Variants in ARL10 observed in about 807,000 individuals in gnomAD.
The protein encoded by ARL10 is ADP-ribosylation factor-like protein 10.
A neutral mutation model predicts 26.1 loss-of-function variants in ARL10; 23 were observed. The observed-to-expected ratio is 0.88, with a 90% CI of 0.63 to 1.25. The LOEUF is 1.25. ARL10 is among the 50% of genes most tolerant of loss of function. ARL10 has a pLI of 0.00. For synonymous variants in ARL10, 138 were observed against 149.1 expected (o/e 0.93, Z 0.54); for missense variants, 300 against 323.6 (o/e 0.93, Z 0.56).
intron 1 of ARL10, among the ~76,000 whole-genome samples, chr5:176,396,709 T>C (rs1298144821): frequency 5.3e-5 from 8 of 151,988 alleles, no homozygotes; most frequent in Non-Finnish European, 1.2e-4. Flanking sequence ...AACAGGAGAA[T>C]GGGGACCTTC....
At position 176,374,610 on chromosome 5, in the gene ARL10, C is replaced by T. The variant is rs368551694; in HGVS notation, c.*2715C>T. ...TCAGACGATAAAAATAGTTCAACAG[C>T]GTGCAAGCTCTGCTGCTCATAGCCT... On this transcript the variant is annotated 3_prime_UTR_variant, in exon 4 of 4. Coordinates refer to ENST00000310389, the MANE Select transcript of ARL10 (RefSeq NM_173664.6). The T allele has an allele frequency of 3.3e-5, 5 of 152,178 alleles. No individual in the cohort carries two copies. The highest frequency in any genetic ancestry group is 1.2e-4 in the African/African-American group (5 of 41,438). 9.4% of individuals were successfully genotyped at this position (152,178 alleles called of 1,614,324 possible). A position where few individuals can be genotyped will look rare whatever the true frequency, so the allele number is the denominator to read the frequency against.
At position 176,371,878 on chromosome 5, in the gene ARL10, T is replaced by TTGGAGCTCCTCTCCTAGGC. The variant is rs1284071971; in HGVS notation, c.727_*10dup. ...CACCGTGCACATCTGGAAACTGCTC[T>TTGGAGCTCCTCTCCTAGGC]TGGAGCTCCTCTCCTAGGCTGGAGC... On this transcript the variant is annotated stop_gained and frameshift_variant, in exon 4 of 4. Coordinates refer to ENST00000310389, the MANE Select transcript of ARL10 (RefSeq NM_173664.6). LOFTEE classifies it high-confidence loss of function. The TTGGAGCTCCTCTCCTAGGC allele has an allele frequency of 1.2e-6, 2 of 1,614,086 alleles. No individual in the cohort carries two copies. Among genetic ancestry groups the TTGGAGCTCCTCTCCTAGGC allele is most frequent in the South Asian group, 1.1e-5 (1 of 91,072 alleles).
intron 3 of ARL10, among the ~76,000 whole-genome samples, chr5:176,370,295 C>CT (rs1419276501): frequency 1.3e-5 from 2 of 152,222 alleles, no homozygotes; most frequent in Non-Finnish European, 2.9e-5. Flanking sequence ...AACCAGTGTG[C>CT]TGTACCTCTC....
downstream of ARL10, among the ~76,000 whole-genome samples, chr5:176,404,659 G>A (rs183649524): frequency 3.3e-5 from 5 of 152,248 alleles, no homozygotes; most frequent in Admixed American, 2.6e-4. Flanking sequence ...CCACATCTCC[G>A]CCACCTGCCA....
downstream of ARL10, chr5:176,392,864 G>C: frequency 1.2e-6 from 2 of 1,614,252 alleles, no homozygotes; most frequent in Non-Finnish European, 1.7e-6. This position sits in a 1 kb window ranked among gnomAD's most constrained non-coding sequence, Gnocchi z 5.2. Flanking sequence ...TGGGGTTGAA[G>C]TCACATAGCT....
At chr5:176,384,782 A>T, downstream of ARL10, 1 of 370,598 alleles carries the variant, frequency 2.7e-6, no homozygotes, top group Non-Finnish European at 4.8e-6. Flanking sequence ...AAAAAAGACC[A>T]GGAAGGCCTG....
chr5:176,388,969 C>T (rs540312279), downstream of ARL10: 8 of 1,614,024 alleles, frequency 5.0e-6, no homozygotes, highest in Middle Eastern at 1.6e-4. Flanking sequence ...CGGTGGTACC[C>T]ATAGGTAAGT....
the ARL10 span, among the ~76,000 whole-genome samples, chr5:176,411,971 T>G: frequency 1.7e-3 from 251 of 151,962 alleles, 2 homozygotes; most frequent in South Asian, 3.9e-3. Flanking sequence ...AGTCAGGAGA[T>G]CGAGACCATC....
exon 2 of ARL10, chr5:176,388,622 G>A (rs754010236): frequency 2.4e-5 from 34 of 1,402,322 alleles, no homozygotes; most frequent in Non-Finnish European, 3.4e-5. Context: ...CGGAAGGCGT[G>A]CACAAGGCTT....
chr5:176,384,082 G>C (rs540517519), downstream of ARL10: 3 of 1,595,464 alleles, frequency 1.9e-6, no homozygotes, highest in East Asian at 2.3e-5. Context: ...CCAGAGCGGG[G>C]AGTGTGCACG....
exon 2 of ARL10, chr5:176,388,416 A>C: frequency 6.2e-7 from 1 of 1,613,912 alleles, no homozygotes; most frequent in East Asian, 2.2e-5. Flanking sequence ...GGCCACCCGG[A>C]ACCCCAGCCC....
chr5:176,388,912 TC>T (rs1379930974), downstream of ARL10: 1 of 1,613,926 alleles, frequency 6.2e-7, no homozygotes, highest in African/African-American at 1.3e-5. Context: ...TTTACAGGAA[TC>T]CAGAGAGTTT....
chr5:176,383,530 C>T (rs6862522), downstream of ARL10, among the ~76,000 whole-genome samples: 14,822 of 152,254 alleles, frequency 0.097, 830 homozygotes, highest in African/African-American at 0.14. Context: ...TTGGGGGCCT[C>T]GGATTCACTT....
chr5:176,395,457 G>A (rs1270680227), intron 1 of ARL10, among the ~76,000 whole-genome samples: 1 of 152,224 alleles, frequency 6.6e-6, no homozygotes, highest in African/African-American at 2.4e-5. Flanking sequence ...GGAAGCAGAC[G>A]AAGGCTCTGG....
downstream of ARL10, chr5:176,392,765 A>C: frequency 6.2e-7 from 1 of 1,613,556 alleles, no homozygotes; most frequent in Non-Finnish European, 8.5e-7. The surrounding 1 kb of genome is among the most constrained non-coding windows in gnomAD (Gnocchi z 5.2). Flanking sequence ...CCATGCACCT[A>C]GCAGGCACCT....
Position 176,365,697 on chromosome 5 carries a change from C to A in ARL10, c.134C>A (p.Ala45Asp). The A allele has an allele frequency of 8.1e-7, 1 of 1,241,420 alleles. No individual in the cohort carries two copies. The highest frequency in any genetic ancestry group is 1.0e-6 in the Non-Finnish European group (1 of 991,116). 76.9% of individuals were successfully genotyped at this position (1,241,420 alleles called of 1,614,324 possible). ...GRERRWDRGE[A>D]WWGAEAARLP... is the part of the protein sequence containing the mutation. ...GAGCGGCGCTGGGACCGGGGAGAGGCCTGGTGGGGCGCGGAGGCTGCCCGC... is the reference window on the plus strand; with the variant it reads ...GAGCGGCGCTGGGACCGGGGAGAGGACTGGTGGGGCGCGGAGGCTGCCCGC... The change falls in exon 1 of 4, where the codon GCC becomes GAC. Residue 45 changes from alanine (A) to aspartate (D), a missense_variant. Transcript: ENST00000310389.
downstream of ARL10, among the ~76,000 whole-genome samples, chr5:176,403,615 G>C (rs1756952541): frequency 6.6e-6 from 1 of 151,736 alleles, no homozygotes; most frequent in Admixed American, 6.6e-5. Context: ...GACCACGCCT[G>C]GTTAATTTTT....
At chr5:176,367,792 C>T (rs116238127) in intron 2 of ARL10, among the ~76,000 whole-genome samples, 3,175 of 152,356 alleles carry the variant, frequency 0.021, 48 homozygotes, top group Middle Eastern at 0.071. Flanking sequence ...AATCCAGGGC[C>T]AACCCCTGTT....
chr5:176,389,017 G>A (rs72807213), downstream of ARL10: 4 of 1,607,342 alleles, frequency 2.5e-6, no homozygotes, highest in Non-Finnish European at 3.4e-6. Flanking sequence ...GGACAGTGAT[G>A]TCGGAGGGAA....
Sources: gnomAD v4.1 joint callset for allele counts (sites outside exome capture counted in the v4.1 genomes callset) on GRCh38, gnomAD v4.1.1 for gene constraint, Gnocchi (gnomAD v3.1) non-coding constraint, MANE v1.5 for transcripts, NCBI Gene and HGNC (gene_info 2026-07-23, HGNC 2026-07-21) for gene names.